Variants in PHF14 observed in about 807,000 individuals in gnomAD.
PHF14 encodes PHD finger protein 14.
In PHF14, 55 loss-of-function variants were observed where a neutral mutation model predicts 117.9. The observed-to-expected ratio is 0.47, with a 90% CI of 0.38 to 0.58. The LOEUF (loss-of-function observed/expected upper bound fraction) is 0.58, where lower values mean the gene tolerates loss of function less well. Among genes scored for constraint, PHF14 ranks in the 20% least tolerant of loss-of-function variants. The pLI, the probability that PHF14 is intolerant of heterozygous loss-of-function variation, is 0.00. For synonymous variants in PHF14, 409 were observed against 368.6 expected, an observed-to-expected ratio of 1.11 and a Z score of -1.26; for missense variants, 978 against 1,122.2, an observed-to-expected ratio of 0.87 and a Z score of 1.84.
chr7:11,093,939 T>C (rs1439609228), intron 16 of PHF14, among the ~76,000 whole-genome samples: 1 of 152,116 alleles, frequency 6.6e-6, no homozygotes, highest in African/African-American at 2.4e-5. Flanking sequence ...GATTTTTTTT[T>C]CCTCTTATGT....
intron 16 of PHF14, among the ~76,000 whole-genome samples, chr7:11,100,361 C>T (rs75707029): frequency 0.08 from 12,223 of 151,916 alleles, 548 homozygotes; most frequent in African/African-American, 0.11. Flanking sequence ...ACTATGTTTT[C>T]TGGTCTTTGA....
chr7:11,064,421 A>G (rs1032786448), intron 16 of PHF14, among the ~76,000 whole-genome samples: 1 of 151,966 alleles, frequency 6.6e-6, no homozygotes, highest in East Asian at 1.9e-4. Context: ...CTCTACAGAT[A>G]TATTTCAGCG....
intron 17 of PHF14, among the ~76,000 whole-genome samples, chr7:11,126,591 G>C (rs1057436): frequency 0.49 from 74,368 of 151,584 alleles, 18,989 homozygotes; most frequent in East Asian, 0.85. Flanking sequence ...CCTAACTTTT[G>C]TCTTCCTGTC....
At chr7:10,979,004 T>G (rs1781965640) in intron 2 of PHF14, among the ~76,000 whole-genome samples, 1 of 152,178 alleles carries the variant, frequency 6.6e-6, no homozygotes, top group Non-Finnish European at 1.5e-5. Flanking sequence ...TTATCTATTG[T>G]GTATATTTAT....
chr7:11,040,349 C>A (rs1784460255), intron 11 of PHF14, among the ~76,000 whole-genome samples: 1 of 151,966 alleles, frequency 6.6e-6, no homozygotes, highest in South Asian at 2.1e-4. Flanking sequence ...CCTCAATATT[C>A]TTTTTGTCAA....
At chr7:11,106,036 A>G (rs1787249263) in intron 16 of PHF14, 1 of 984,692 alleles carries the variant, frequency 1.0e-6, no homozygotes, top group African/African-American at 1.7e-5. Context: ...AACAAAGCAG[A>G]CATGTTTCAG....
chr7:11,149,373 A>G (rs778584859), intron 17 of PHF14, among the ~76,000 whole-genome samples: 1 of 152,236 alleles, frequency 6.6e-6, no homozygotes, highest in East Asian at 1.9e-4. Context: ...AACTCTACCA[A>G]TTGGCTATGG....
chr7:11,022,835 A>T (rs200060412), intron 5 of PHF14, 33 bp from the exon 6 acceptor site: 1 of 1,280,936 alleles, frequency 7.8e-7, no homozygotes, highest in East Asian at 2.4e-5. Context: ...TTATTAAAAG[A>T]TTTGATAGCA....
intron 16 of PHF14, among the ~76,000 whole-genome samples, chr7:11,074,845 C>T (rs1285666447): frequency 6.6e-6 from 1 of 152,064 alleles, no homozygotes; most frequent in African/African-American, 2.4e-5. Flanking sequence ...TCCAAATTGT[C>T]CCTTGTCTTC....
chr7:10,982,743 A>T lies in PHF14; in HGVS notation c.484A>T (p.Thr162Ser). ...TPATSPPAVN[T>S]SPSVPTTTTA... ...AGCCACAAGTCCTCCTGCTGTTAAC[A>T]CATCCCCTTCTGTTCCCACTACGAC... The change falls in exon 3 of 18, where the codon ACA becomes TCA. Residue 162 changes from threonine (T) to serine (S), a missense_variant. Thr to Ser is a moderately conservative substitution (Grantham distance 58). Coordinates refer to ENST00000634607, the MANE Select transcript of PHF14 (RefSeq NM_001007157.2). 1.2e-6 allele frequency: 2 copies of T among 1,613,834 alleles called. No homozygotes were observed. Among genetic ancestry groups the T allele is most frequent in the Non-Finnish European group, 1.7e-6 (2 of 1,179,832 alleles).
At chr7:10,990,947 G>A in intron 4 of PHF14, 100 bp downstream of exon 4, 2 of 748,994 alleles carry the variant, frequency 2.7e-6, no homozygotes. Flanking sequence ...TGTTTCGGTT[G>A]AAATAATGCT....
chr7:11,167,823 A>G (rs1789244836), intron 17 of PHF14, among the ~76,000 whole-genome samples: 1 of 152,076 alleles, frequency 6.6e-6, no homozygotes, highest in African/African-American at 2.4e-5. Flanking sequence ...AGGTCAGGAG[A>G]TCGAGACCAT....
chr7:10,993,088 A>C, intron 4 of PHF14, among the ~76,000 whole-genome samples: 1 of 152,090 alleles, frequency 6.6e-6, no homozygotes. Context: ...TGATATTACT[A>C]TTACTTTTTT....
intron 4 of PHF14, chr7:11,006,929 T>G: frequency 2.2e-6 from 1 of 456,242 alleles, no homozygotes; most frequent in Non-Finnish European, 4.2e-6. Flanking sequence ...AATCCCAGCA[T>G]GTTGGGAGGC....
intron 17 of PHF14, among the ~76,000 whole-genome samples, chr7:11,131,818 AC>A (rs1476836106): frequency 6.6e-6 from 1 of 151,546 alleles, no homozygotes; most frequent in African/African-American, 2.4e-5. Flanking sequence ...ACCTGTGCCT[AC>A]GTTCTCTCTC....
intron 17 of PHF14, among the ~76,000 whole-genome samples, chr7:11,114,956 A>G (rs932692675): frequency 6.6e-6 from 1 of 151,826 alleles, no homozygotes; most frequent in Non-Finnish European, 1.5e-5. Context: ...TGAAAATCCT[A>G]TTGTTAATAA....
intron 17 of PHF14, among the ~76,000 whole-genome samples, chr7:11,124,206 A>G (rs1263537469): frequency 1.3e-5 from 2 of 152,134 alleles, no homozygotes; most frequent in Non-Finnish European, 1.5e-5. Context: ...ATTATCTGCA[A>G]TTTAGCACCT....
rs186940583 is a variant in PHF14 at position 10,987,964 on chromosome 7, C to T, written c.901-2739C>T. ...CCGGGAGGTGGAGGTTGCGGTGAGC[C>T]GAGATCCCACCATTGCACTCCAGCC... On this transcript the variant is annotated intron_variant, in intron 3 of 17. Transcript: ENST00000634607. Among the ~76,000 whole-genome samples, 29 of 139,570 alleles carry T rather than the reference C, an allele frequency of 2.1e-4. No individual in the cohort carries two copies. In the South Asian group the frequency reaches 2.4e-3, roughly 12 times the overall value. The allele number at this position is 139,570 out of a possible 152,430, so 91.6% of individuals were successfully genotyped here. A position where few individuals can be genotyped will look rare whatever the true frequency, so the allele number is the denominator to read the frequency against.
At chr7:11,009,055 C>A (rs1045078375) in intron 4 of PHF14, among the ~76,000 whole-genome samples, 13 of 140,810 alleles carry the variant, frequency 9.2e-5, no homozygotes, top group African/African-American at 3.1e-4. Flanking sequence ...AAAAAAAAGT[C>A]TTTTTTATTG....
Sources: allele counts gnomAD v4.1 joint callset (sites outside exome capture counted in the v4.1 genomes callset), GRCh38; gene constraint gnomAD v4.1.1; transcripts MANE v1.5; gene names NCBI Gene and HGNC (gene_info 2026-07-23, HGNC 2026-07-21).